RYR2: variants seen among roughly 807,000 people sequenced by gnomAD.
RYR2 encodes the protein cardiac muscle ryanodine receptor-calcium release channel.
RYR2 carries 227 observed loss-of-function variants against 601.1 expected under a neutral mutation model. The ratio of observed to expected loss-of-function variants is 0.38; its 90% CI spans 0.34 to 0.42. The LOEUF (loss-of-function observed/expected upper bound fraction) is 0.42. Among genes scored for constraint, RYR2 ranks in the 10% least tolerant of loss-of-function variants. The probability of loss-of-function intolerance (pLI) is 1.00; values close to 1 mark genes in which losing one functional copy is unlikely to be tolerated. For missense variants in RYR2, 4,646 were observed against 6,156.5 expected, an observed-to-expected ratio of 0.75 and a Z score of 8.21; for synonymous variants, 2,223 against 2,175.1, an observed-to-expected ratio of 1.02 and a Z score of -0.61.
chr1:237,798,662 C>CCGT lies in RYR2; in HGVS notation c.14090+493_14090+494insGTC, dbSNP rs1196873571. 3.3e-5 allele frequency among the ~76,000 whole-genome samples: 5 copies of CCGT among 152,160 alleles called. 1 individual carries two copies. Among genetic ancestry groups the CCGT allele is most frequent in the African/African-American group, 4.8e-5 (2 of 41,522 alleles). Reference sequence around the variant, plus strand: ...GGCTTAGTGCGTCAGAAATAATATACCATCATACCATTACTTGTAAAGTTT... The same window carrying CCGT: ...GGCTTAGTGCGTCAGAAATAATATACCGTCATCATACCATTACTTGTAAAGTTT... On this transcript the variant is annotated intron_variant, in intron 97 of 104. Coordinates refer to ENST00000366574, the MANE Select transcript of RYR2 (RefSeq NM_001035.3).
At chr1:237,149,029 C>T (rs532355970) in intron 1 of RYR2, among the ~76,000 whole-genome samples, 2 of 152,174 alleles carry the variant, frequency 1.3e-5, no homozygotes, top group East Asian at 1.9e-4. Flanking sequence ...TTTTCCTCTT[C>T]GAGTGAGCAA....
intron 1 of RYR2, among the ~76,000 whole-genome samples, chr1:237,127,571 C>A (rs541387819): frequency 2.0e-5 from 3 of 150,720 alleles, no homozygotes; most frequent in South Asian, 2.1e-4. Context: ...GCTGACCCCC[C>A]CCACCTCCCT....
intron 71 of RYR2, among the ~76,000 whole-genome samples, chr1:237,716,502 G>A (rs996965172): frequency 2.6e-5 from 4 of 152,086 alleles, no homozygotes; most frequent in East Asian, 1.9e-4. Flanking sequence ...ATTACCCAGT[G>A]AAAATTAGAT....
intron 29 of RYR2, among the ~76,000 whole-genome samples, chr1:237,579,293 G>A (rs1476045723): frequency 2.3e-5 from 2 of 85,790 alleles, no homozygotes; most frequent in African/African-American, 4.6e-5. Context: ...TTTCACTCTT[G>A]TTGCCCAGGC....
intron 2 of RYR2, among the ~76,000 whole-genome samples, chr1:237,299,540 G>C (rs765343936): frequency 2.0e-5 from 3 of 152,190 alleles, no homozygotes; most frequent in Admixed American, 6.5e-5. Flanking sequence ...TTCTGGGCCA[G>C]AAGAGGTTTC....
intron 1 of RYR2, among the ~76,000 whole-genome samples, chr1:237,107,198 A>G (rs1044051947): frequency 1.3e-5 from 2 of 152,186 alleles, no homozygotes; most frequent in Non-Finnish European, 2.9e-5. Flanking sequence ...TATACTTTAT[A>G]TATCTTAACT....
rs978821377 is a variant in RYR2, at chr1:237,206,048, G to A, written c.49-64449G>A. ...TGGATGGCCACCGGGTCCACCAAGC[G>A]GGTGCTCCAGGAGCTCCGGGAAGAA... On this transcript the variant is annotated intron_variant, in intron 1 of 104. Transcript: ENST00000366574. 5.9e-5 allele frequency among the ~76,000 whole-genome samples: 9 copies of A among 152,298 alleles called. No individual in the cohort carries two copies. The East Asian group carries it at 9.7e-4, about 16-fold the overall frequency.
At chr1:237,806,019 T>C in intron 98 of RYR2, 118 bp from the exon 99 acceptor site, 1 of 812,890 alleles carries the variant, frequency 1.2e-6, no homozygotes, top group Non-Finnish European at 1.9e-6. Flanking sequence ...AGATTCCACA[T>C]GTGAGTGAGA....
At chr1:237,319,272 C>G (rs979471165) in intron 2 of RYR2, among the ~76,000 whole-genome samples, 2 of 152,050 alleles carry the variant, frequency 1.3e-5, no homozygotes, top group East Asian at 1.9e-4. Context: ...GCCTTGAAGC[C>G]TTTACCTGCT....
chr1:237,197,402 A>G (rs1347966418), intron 1 of RYR2, among the ~76,000 whole-genome samples: 2 of 152,188 alleles, frequency 1.3e-5, no homozygotes, highest in African/African-American at 2.4e-5. Flanking sequence ...GTACTTTTCT[A>G]CTTTCACCGA....
Position 237,550,490 on chromosome 1 carries a change from T to C in RYR2, c.3067-54T>C, listed in dbSNP as rs1187060122. 8.3e-6 allele frequency: 13 copies of C among 1,573,396 alleles called. No homozygotes were observed. The South Asian group carries it at 1.5e-4, about 18-fold the overall frequency. ...GTTTGATGTATTTGGTAGCTACTTA[T>C]TTCTAAAAGCCCTTGGTATTGCTTT... is the stretch of plus-strand genomic sequence containing the variant. On this transcript the variant is annotated intron_variant, in intron 26 of 104. Coordinates refer to ENST00000366574, the MANE Select transcript of RYR2 (RefSeq NM_001035.3).
intron 12 of RYR2, among the ~76,000 whole-genome samples, chr1:237,429,808 G>A (rs1015248156): frequency 6.6e-6 from 1 of 152,078 alleles, no homozygotes; most frequent in Non-Finnish European, 1.5e-5. Context: ...GGAGGGTACT[G>A]TCTTAGAAAA....
chr1:237,820,414 C>T (rs747462447), intron 101 of RYR2, among the ~76,000 whole-genome samples: 4 of 152,088 alleles, frequency 2.6e-5, no homozygotes, highest in Non-Finnish European at 4.4e-5. Flanking sequence ...CCAGGAAGCA[C>T]AAGGGGTTGG....
At chr1:237,438,409 T>C (rs1378655981) in intron 12 of RYR2, among the ~76,000 whole-genome samples, 1 of 152,202 alleles carries the variant, frequency 6.6e-6, no homozygotes, top group Admixed American at 6.5e-5. Flanking sequence ...TGATATGTAG[T>C]AGAGGCTCTG....
At chr1:237,096,681 A>G (rs1174835721) in intron 1 of RYR2, among the ~76,000 whole-genome samples, 1 of 152,216 alleles carries the variant, frequency 6.6e-6, no homozygotes, top group Non-Finnish European at 1.5e-5. Context: ...TCAGAAAAAA[A>G]TTTGAAGATA....
At chr1:237,458,368 G>T (rs945026562) in intron 16 of RYR2, among the ~76,000 whole-genome samples, 1 of 152,204 alleles carries the variant, frequency 6.6e-6, no homozygotes, top group African/African-American at 2.4e-5. Flanking sequence ...AGCAGAGGTT[G>T]CAGTGAGCCA....
At chr1:237,798,354 A>AT (rs1007582884) in intron 97 of RYR2, among the ~76,000 whole-genome samples, 184 bp downstream of exon 97, 36 of 152,016 alleles carry the variant, frequency 2.4e-4, no homozygotes, top group Non-Finnish European at 3.1e-4. Flanking sequence ...GAATTATTGG[A>AT]TTTTTTTTCT....
At chr1:237,236,654 AGCAAACTGCTGCAGT>A (rs1685578409) in intron 1 of RYR2, among the ~76,000 whole-genome samples, 1 of 152,262 alleles carries the variant, frequency 6.6e-6, no homozygotes, top group African/African-American at 2.4e-5. Context: ...GTGAGCAGGC[AGCAAACTGCTGCAGT>A]TTGCTTTGGG....
At chr1:237,699,059 T>A in intron 64 of RYR2, 34 bp downstream of exon 64, 1 of 1,005,900 alleles carries the variant, frequency 9.9e-7, no homozygotes, top group Non-Finnish European at 1.5e-6. Flanking sequence ...AATAAATTAC[T>A]ATAATAATGA....
Sources: allele counts gnomAD v4.1 joint callset (sites outside exome capture counted in the v4.1 genomes callset), GRCh38; gene constraint gnomAD v4.1.1; transcripts MANE v1.5; gene names NCBI Gene and HGNC (gene_info 2026-07-23, HGNC 2026-07-21).